SLC22A25: variants seen among roughly 807,000 people sequenced by gnomAD.
The protein encoded by SLC22A25 is MGI:2442751, MGI:2385316, MGI:3042283, MGI:3645714, MGI:3605624, MGI:2442750.
In SLC22A25, 44 loss-of-function variants were observed where a neutral mutation model predicts 45.9. The observed-to-expected ratio is 0.96, with a 90% CI of 0.75 to 1.23. SLC22A25 has a LOEUF of 1.23. Ranked by LOEUF, SLC22A25 falls within the 50% of genes most tolerant of loss-of-function variation. The probability of loss-of-function intolerance (pLI) is 0.00; values close to 1 mark genes in which losing one functional copy is unlikely to be tolerated. For missense variants in SLC22A25, 800 were observed against 666.4 expected (o/e 1.20, Z -2.21); for synonymous variants, 283 against 238.6 (o/e 1.19, Z -1.72).
intron 7 of SLC22A25, among the ~76,000 whole-genome samples, chr11:63,197,053 G>C (rs539995410): frequency 1.3e-5 from 2 of 152,224 alleles, no homozygotes; most frequent in East Asian, 3.9e-4. Flanking sequence ...TACAAGATAT[G>C]TGAAGGACCT....
At chr11:63,183,424 G>A (rs1049264116) in intron 8 of SLC22A25, among the ~76,000 whole-genome samples, 4 of 152,100 alleles carry the variant, frequency 2.6e-5, no homozygotes, top group Non-Finnish European at 5.9e-5. Context: ...CTATTATGGA[G>A]TTAGAGTGAG....
chr11:63,176,999 T>C (rs2088112740), intron 9 of SLC22A25, among the ~76,000 whole-genome samples: 1 of 152,072 alleles, frequency 6.6e-6, no homozygotes, highest in African/African-American at 2.4e-5. Context: ...CTCTTCATTT[T>C]TGAAGGCCAG....
intron 3 of SLC22A25, among the ~76,000 whole-genome samples, chr11:63,231,935 A>G (rs1468255441): frequency 6.6e-6 from 1 of 152,082 alleles, no homozygotes; most frequent in South Asian, 2.1e-4. Flanking sequence ...CAAAGATCGG[A>G]TAGTTGTAGA....
intron 7 of SLC22A25, among the ~76,000 whole-genome samples, chr11:63,195,435 T>A (rs1361945819): frequency 2.0e-5 from 3 of 151,966 alleles, no homozygotes; most frequent in African/African-American, 7.3e-5. Context: ...AAATTAGAAC[T>A]CAGGATTAAG....
At chr11:63,203,833 A>G (rs11524468) in intron 7 of SLC22A25, among the ~76,000 whole-genome samples, 51,448 of 151,964 alleles carry the variant, frequency 0.34, 9,115 homozygotes, top group East Asian at 0.56. Flanking sequence ...CCTCGAGAAG[A>G]GCAACCCCAA....
Position 63,230,106 on chromosome 11 carries a change from G to A in SLC22A25, c.-444-10C>T, listed in dbSNP as rs561831669. On this transcript the variant is annotated splice_polypyrimidine_tract_variant and intron_variant, in intron 3 of 11. Transcript: ENST00000306494. ...GTGCTTTTTCTTTTCTCTGTGAAAA[G>A]AACAGAAAGCAAATGTCTTTCTTGT... Among the ~76,000 whole-genome samples, 11 of 152,280 alleles carry A rather than the reference G, an allele frequency of 7.2e-5. No individual in the cohort carries two copies. The highest frequency in any genetic ancestry group is 2.6e-4 in the African/African-American group (11 of 41,562).
At chr11:63,183,054 A>G (rs944699097) in intron 8 of SLC22A25, among the ~76,000 whole-genome samples, 1 of 152,050 alleles carries the variant, frequency 6.6e-6, no homozygotes, top group Non-Finnish European at 1.5e-5. Flanking sequence ...TAATTTTTTG[A>G]TAAATACTTT....
chr11:63,183,668 C>G (rs776070406), intron 8 of SLC22A25, 26 bp downstream of exon 8: 4 of 1,611,904 alleles, frequency 2.5e-6, no homozygotes, highest in Admixed American at 1.7e-5. Flanking sequence ...TCCCAGCATC[C>G]CATATCCAGC....
At position 63,165,145 on chromosome 11, in the gene SLC22A25, T is replaced by C. The variant is rs187227284; in HGVS notation, c.1286-511A>G. The stretch of plus-strand genomic sequence containing the variant: ...AGGACAGATTGGACAGTATTAATGT[T>C]TCAAGGATGAAGAATAAGGACATTT... On this transcript the variant is annotated intron_variant, in intron 10 of 11. Coordinates refer to ENST00000306494, the MANE Select transcript of SLC22A25 (RefSeq NM_199352.6). Among the ~76,000 whole-genome samples, 445 of 152,330 alleles carry C rather than the reference T, an allele frequency of 2.9e-3. 1 individual carries two copies. The highest frequency in any genetic ancestry group is 5.9e-3 in the Admixed American group (91 of 15,298).
intron 9 of SLC22A25, among the ~76,000 whole-genome samples, chr11:63,178,181 A>T (rs565942263): frequency 5.9e-5 from 9 of 151,864 alleles, no homozygotes; most frequent in Non-Finnish European, 1.3e-4. Flanking sequence ...GTGGGCCACC[A>T]CGCCCTGCCA....
chr11:63,164,086 A>G lies in SLC22A25; in HGVS notation c.1395-13T>C. The G allele has an allele frequency of 6.4e-7, 1 of 1,557,036 alleles. No individual in the cohort carries two copies. The highest frequency in any genetic ancestry group is 8.7e-7 in the Non-Finnish European group (1 of 1,155,108). On this transcript the variant is annotated splice_polypyrimidine_tract_variant and intron_variant, in intron 11 of 11. Transcript: ENST00000306494. ...AGTAGCTCTTCCCCTTGGAGTAAAA[A>G]CAGCAACAGAGGAAAAGTTGTTAAA... is the stretch of plus-strand genomic sequence containing the variant.
intron 1 of SLC22A25, among the ~76,000 whole-genome samples, chr11:63,239,873 T>C (rs2090219875): frequency 6.6e-6 from 1 of 152,210 alleles, no homozygotes; most frequent in African/African-American, 2.4e-5. Context: ...TCTTCAAGGT[T>C]CTTATAGTGA....
At chr11:63,224,245 C>T (rs1187064486) in intron 5 of SLC22A25, among the ~76,000 whole-genome samples, 3 of 151,976 alleles carry the variant, frequency 2.0e-5, no homozygotes, top group Non-Finnish European at 4.4e-5. Flanking sequence ...CTCATATAAG[C>T]GTAGCTAATC....
chr11:63,235,326 G>C (rs964058115), intron 3 of SLC22A25, among the ~76,000 whole-genome samples: 2 of 152,122 alleles, frequency 1.3e-5, no homozygotes, highest in African/African-American at 4.8e-5. Flanking sequence ...CATATTTCTT[G>C]GAGGCTTTGT....
chr11:63,163,693 G>A lies in SLC22A25; in HGVS notation c.*131C>T, dbSNP rs2087577741. ...TGTGATCTAGTGAGGCTCAGGGGAT[G>A]TATGAGGTCACTGTGGAAGGGATGA... On this transcript the variant is annotated 3_prime_UTR_variant, in exon 12 of 12. Coordinates refer to ENST00000306494, the MANE Select transcript of SLC22A25 (RefSeq NM_199352.6). 1 of 1,260,778 alleles carries A rather than the reference G, an allele frequency of 7.9e-7. No individual in the cohort carries two copies. Among genetic ancestry groups the A allele is most frequent in the Non-Finnish European group, 1.1e-6 (1 of 920,558 alleles). The allele number at this position is 1,260,778 out of a possible 1,614,324, so 78.1% of individuals were successfully genotyped here. A position where few individuals can be genotyped will look rare whatever the true frequency, so the allele number is the denominator to read the frequency against.
chr11:63,194,660 G>A (rs975252844), intron 7 of SLC22A25, among the ~76,000 whole-genome samples: 12 of 151,820 alleles, frequency 7.9e-5, no homozygotes, highest in Non-Finnish European at 2.9e-5. Flanking sequence ...ATCAACTAAC[G>A]AGCAAAATAA....
At chr11:63,169,254 G>A (rs116640072) in intron 9 of SLC22A25, among the ~76,000 whole-genome samples, 1,823 of 152,222 alleles carry the variant, frequency 0.012, 37 homozygotes, top group African/African-American at 0.041. Flanking sequence ...TGTAGAAACT[G>A]CATCAACTAA....
intron 7 of SLC22A25, among the ~76,000 whole-genome samples, chr11:63,195,672 C>A (rs1439703638): frequency 2.6e-5 from 4 of 152,190 alleles, no homozygotes; most frequent in Non-Finnish European, 4.4e-5. Flanking sequence ...AAAATTGACA[C>A]CCTAACATCG....
At position 63,169,704 on chromosome 11, in the gene SLC22A25, C is replaced by T. The variant is rs116882371; in HGVS notation, c.1071-3446G>A. ...ACCTACAAAGAGGCTTAGATTCCTACGCAATAATAGTAGGAGACTTTAACA... is the reference window on the plus strand; with the variant it reads ...ACCTACAAAGAGGCTTAGATTCCTATGCAATAATAGTAGGAGACTTTAACA... On this transcript the variant is annotated intron_variant, in intron 9 of 11. Coordinates refer to ENST00000306494, the MANE Select transcript of SLC22A25 (RefSeq NM_199352.6). 9.4e-3 allele frequency among the ~76,000 whole-genome samples: 1,432 copies of T among 152,222 alleles called. 12 individuals are homozygous for T. Among genetic ancestry groups the T allele is most frequent in the Middle Eastern group, 0.027 (8 of 294 alleles).
Sources: gnomAD v4.1 joint callset for allele counts (sites outside exome capture counted in the v4.1 genomes callset) on GRCh38, gnomAD v4.1.1 for gene constraint, MANE v1.5 for transcripts, NCBI Gene and HGNC (gene_info 2026-07-23, HGNC 2026-07-21) for gene names.